Variants in PCDHA6 observed in about 807,000 individuals in gnomAD.
PCDHA6 encodes protocadherin alpha 6.
Under a neutral mutation model 60.3 loss-of-function variants are expected in PCDHA6, and 55 were observed. The ratio of observed to expected loss-of-function variants is 0.91; its 90% CI spans 0.73 to 1.14. The LOEUF (loss-of-function observed/expected upper bound fraction) is 1.14. PCDHA6 is among the 50% of genes most tolerant of loss of function. PCDHA6 has a pLI of 0.00. For synonymous variants in PCDHA6, 652 were observed against 557.9 expected (o/e 1.17, Z -2.38); for missense variants, 1,327 against 1,256.5 (o/e 1.06, Z -0.85).
chr5:140,950,435 A>T (rs2094483371), intron 1 of PCDHA6, among the ~76,000 whole-genome samples: 1 of 152,038 alleles, frequency 6.6e-6, no homozygotes, highest in Non-Finnish European at 1.5e-5. Flanking sequence ...CACTTAAAAA[A>T]AATGTTATTC....
chr5:140,970,018 C>G (rs1383957568), intron 1 of PCDHA6, among the ~76,000 whole-genome samples: 9 of 151,942 alleles, frequency 5.9e-5, no homozygotes, highest in African/African-American at 2.2e-4. Context: ...GATGGTGAGG[C>G]AGAGAGATTA....
At chr5:140,860,155 ATATATATATG>A (rs1439486095) in intron 1 of PCDHA6, 1 of 149,648 alleles carries the variant, frequency 6.7e-6, no homozygotes, top group Non-Finnish European at 1.5e-5. Flanking sequence ...ATATATGTGT[ATATATATATG>A]TATATATATA....
chr5:140,850,680 G>A lies in PCDHA6; in HGVS notation c.2394+20195G>A, dbSNP rs2150493615. 22 of 1,598,518 alleles carry A rather than the reference G, an allele frequency of 1.4e-5. 2 individuals carry two copies. In the East Asian group the frequency reaches 4.5e-4, roughly 32 times the overall value. ...GCTGCGGTGCTCGGCGATGCCCACC[G>A]AGGGCGAGTGCGCGCCTGGCAAGCC... On this transcript the variant is annotated intron_variant, in intron 1 of 3. Transcript: ENST00000529310.
intron 1 of PCDHA6, among the ~76,000 whole-genome samples, chr5:140,902,816 G>A (rs1447534950): frequency 6.6e-6 from 1 of 150,906 alleles, no homozygotes; most frequent in Non-Finnish European, 1.5e-5. Flanking sequence ...TACAATATTT[G>A]GTTTTCGATT....
chr5:140,996,365 T>C (rs1017086317), intron 3 of PCDHA6, among the ~76,000 whole-genome samples: 4 of 152,196 alleles, frequency 2.6e-5, no homozygotes, highest in African/African-American at 9.7e-5. Context: ...GAAGCCATTT[T>C]GTTGTCGGCT....
chr5:140,951,493 A>C (rs1554219918), intron 1 of PCDHA6, among the ~76,000 whole-genome samples: 1 of 152,022 alleles, frequency 6.6e-6, no homozygotes, highest in Non-Finnish European at 1.5e-5. Context: ...TCATGGTGGA[A>C]GGCAAAAGGA....
intron 1 of PCDHA6, chr5:140,969,250 C>T (rs1554231631): frequency 6.2e-7 from 1 of 1,614,216 alleles, no homozygotes; most frequent in Admixed American, 1.7e-5. Flanking sequence ...CAGTGACTGA[C>T]AGCAGGAATC....
At chr5:140,834,529 C>T (rs2150220403) in intron 1 of PCDHA6, 3 of 1,614,054 alleles carry the variant, frequency 1.9e-6, no homozygotes, top group Non-Finnish European at 2.5e-6. Context: ...GGCCGCATCG[C>T]GCAGGACCTG....
At chr5:140,967,934 A>G (rs781977227) in intron 1 of PCDHA6, 4 of 1,614,172 alleles carry the variant, frequency 2.5e-6, no homozygotes, top group Non-Finnish European at 2.5e-6. Flanking sequence ...TCTCAGTGTC[A>G]ATGACCAAGA....
intron 1 of PCDHA6, chr5:140,842,511 T>G: frequency 6.2e-7 from 1 of 1,613,722 alleles, no homozygotes; most frequent in Non-Finnish European, 8.5e-7. Flanking sequence ...CCCTTCAAGC[T>G]GGTGTCCACC....
chr5:140,978,802 T>C, intron 1 of PCDHA6, 147 bp from the exon 2 acceptor site: 1 of 1,483,264 alleles, frequency 6.7e-7, no homozygotes, highest in Non-Finnish European at 9.0e-7. Flanking sequence ...TATGTAGATA[T>C]CATCATAGAG....
rs2150329833 is a variant in PCDHA6, at chr5:140,842,126, C to A, written c.2394+11641C>A. The A allele has an allele frequency of 5.7e-5, 92 of 1,613,822 alleles. 1 individual carries two copies. The East Asian group carries it at 1.8e-3, about 32-fold the overall frequency. ...AGTTATCAAACTGAATGCTTCTGAT[C>A]CGGATGAAGGAGCCAATGGGGCAAT... On this transcript the variant is annotated intron_variant, in intron 1 of 3. Transcript: ENST00000529310.
intron 1 of PCDHA6, among the ~76,000 whole-genome samples, chr5:140,941,286 C>CTCTT (rs5871754): frequency 5.6e-5 from 6 of 106,818 alleles, no homozygotes; most frequent in African/African-American, 1.4e-4. Context: ...TCCTTCCTTT[C>CTCTT]TCTTTCTTTC....
intron 1 of PCDHA6, among the ~76,000 whole-genome samples, chr5:140,846,022 C>T (rs1294786212): frequency 1.3e-5 from 2 of 149,390 alleles, no homozygotes; most frequent in South Asian, 4.2e-4. Context: ...AAAGTTATTA[C>T]GAGTTTAGGA....
chr5:140,974,116 G>T (rs2096616118), intron 1 of PCDHA6, among the ~76,000 whole-genome samples: 1 of 152,192 alleles, frequency 6.6e-6, no homozygotes. Context: ...TTCTTTTGCA[G>T]TGTTTTAAAT....
chr5:140,924,905 AT>A (rs1216976019), intron 1 of PCDHA6, among the ~76,000 whole-genome samples: 1,708 of 55,768 alleles, frequency 0.031, 41 homozygotes, highest in African/African-American at 0.13. Flanking sequence ...AAAAAAAAAA[AT>A]AAAATAAAAT....
intron 1 of PCDHA6, chr5:140,870,604 C>T (rs376574285): frequency 1.9e-6 from 3 of 1,613,134 alleles, no homozygotes; most frequent in African/African-American, 2.7e-5. Context: ...GTTGGGCGAC[C>T]GCGCGCTGTC....
At chr5:140,857,991 T>A (rs1554150990) in intron 1 of PCDHA6, 1 of 1,596,560 alleles carries the variant, frequency 6.3e-7, no homozygotes. Context: ...CGCCTACTGG[T>A]GCTGGTGAAG....
intron 1 of PCDHA6, among the ~76,000 whole-genome samples, chr5:140,894,895 A>G (rs557164845): frequency 6.6e-6 from 1 of 152,316 alleles, no homozygotes; most frequent in South Asian, 2.1e-4. Context: ...AGACCAGGAT[A>G]ATTTTCCTAT....
Sources: allele counts gnomAD v4.1 joint callset (sites outside exome capture counted in the v4.1 genomes callset), GRCh38; gene constraint gnomAD v4.1.1; transcripts MANE v1.5; gene names NCBI Gene and HGNC (gene_info 2026-07-23, HGNC 2026-07-21).